The following COL21A1 variants were observed in gnomAD, a reference collection of about 807,000 sequenced individuals.
The protein encoded by COL21A1 is collagen alpha-1(XXI) chain.
Under a neutral mutation model 137.9 loss-of-function variants are expected in COL21A1, and 149 were observed. The observed-to-expected ratio is 1.08, with a 90% CI of 0.95 to 1.24. The LOEUF (loss-of-function observed/expected upper bound fraction) is 1.24, where lower values mean the gene tolerates loss of function less well. Ranked by LOEUF, COL21A1 falls within the 50% of genes most tolerant of loss-of-function variation. COL21A1 has a pLI of 0.00. For synonymous variants in COL21A1, 456 were observed against 391.5 expected (o/e 1.16, Z -1.95); for missense variants, 1,167 against 1,158.4 (o/e 1.01, Z -0.11).
At chr6:56,342,212 C>A (rs80288469) in intron 1 of COL21A1, among the ~76,000 whole-genome samples, 1 of 152,014 alleles carries the variant, frequency 6.6e-6, no homozygotes, top group South Asian at 2.1e-4. Context: ...GGGGAAAGGG[C>A]GGGTAAGTCA....
chr6:56,334,317 A>C (rs1434069803), intron 1 of COL21A1, among the ~76,000 whole-genome samples: 1 of 152,108 alleles, frequency 6.6e-6, no homozygotes, highest in Non-Finnish European at 1.5e-5. Context: ...GACCTGCTGA[A>C]TTTGAAACTC....
chr6:56,101,493 C>G lies in COL21A1; in HGVS notation c.1791G>C (p.Gln597His), dbSNP rs1380697382. The G allele has an allele frequency of 6.3e-7, 1 of 1,595,694 alleles. No individual in the cohort carries two copies. Among genetic ancestry groups the G allele is most frequent in the South Asian group, 1.1e-5 (1 of 87,616 alleles). ...GEAGSPGAPG[Q>H]DGTRGEPGIP... ...TCACAGGCTCTCCCCGTGTTCCATC[C>G]TGCCCCGGAGCACCAGGGGATCCTG... The change falls in exon 17 of 30, where the codon CAG becomes CAC. Residue 597 changes from glutamine to histidine, a missense_variant. Physicochemically the swap from Gln to His is conservative, Grantham distance 24. Transcript: ENST00000244728.
chr6:56,170,929 CA>C (rs755019590), intron 4 of COL21A1, 30 bp downstream of exon 4: 1 of 1,589,370 alleles, frequency 6.3e-7, no homozygotes, highest in South Asian at 1.2e-5. Context: ...CATATCCCCC[CA>C]AAAAAGTTGT....
chr6:56,150,547 C>CAT (rs1775232316), intron 10 of COL21A1, among the ~76,000 whole-genome samples: 1 of 151,394 alleles, frequency 6.6e-6, no homozygotes, highest in African/African-American at 2.4e-5. Flanking sequence ...CACACACACA[C>CAT]ACACACACAC....
At chr6:56,249,441 A>G (rs1219110061), upstream of COL21A1, among the ~76,000 whole-genome samples, 1 of 152,232 alleles carries the variant, frequency 6.6e-6, no homozygotes, top group Non-Finnish European at 1.5e-5. Context: ...TGTTACTCAT[A>G]AAGCCAAAGG....
intron 3 of COL21A1, among the ~76,000 whole-genome samples, chr6:56,173,072 AG>A (rs1451588793): frequency 6.6e-6 from 1 of 152,220 alleles, no homozygotes; most frequent in Non-Finnish European, 1.5e-5. Context: ...AATGTAAGTG[AG>A]TATACTCCTT....
chr6:56,142,821 C>G (rs1428752007), intron 10 of COL21A1, among the ~76,000 whole-genome samples: 1 of 152,158 alleles, frequency 6.6e-6, no homozygotes, highest in Non-Finnish European at 1.5e-5. Context: ...TTTCTTAGAT[C>G]TTACTGTTTG....
At chr6:56,128,166 G>A (rs891301324) in intron 12 of COL21A1, among the ~76,000 whole-genome samples, 1 of 152,130 alleles carries the variant, frequency 6.6e-6, no homozygotes, top group Non-Finnish European at 1.5e-5. Flanking sequence ...TGTGTTTTTT[G>A]TTTGCTTGTT....
intron 18 of COL21A1, among the ~76,000 whole-genome samples, chr6:56,075,830 A>T (rs575711717): frequency 2.0e-5 from 3 of 151,574 alleles, no homozygotes; most frequent in African/African-American, 7.2e-5. Context: ...CAGGTGAAAA[A>T]TTTTTCTATT....
chr6:56,061,726 G>A (rs974661899), intron 24 of COL21A1, 45 bp from the exon 25 acceptor site: 4 of 1,309,244 alleles, frequency 3.1e-6, no homozygotes, highest in Admixed American at 2.1e-5. Context: ...GCAAGCTACA[G>A]TACTGTAATG....
At chr6:56,332,388 C>A (rs1274894771) in intron 1 of COL21A1, among the ~76,000 whole-genome samples, 1 of 151,560 alleles carries the variant, frequency 6.6e-6, no homozygotes, top group Admixed American at 6.6e-5. Context: ...TAGAGGATCA[C>A]TAATGTGATA....
At chr6:56,295,586 T>G (rs956293814) in intron 1 of COL21A1, among the ~76,000 whole-genome samples, 3 of 151,584 alleles carry the variant, frequency 2.0e-5, no homozygotes, top group Non-Finnish European at 1.5e-5. Context: ...GAGTATCTTT[T>G]CATTTATTTA....
chr6:56,347,517 T>TAAAAAA (rs373385667), intron 1 of COL21A1, among the ~76,000 whole-genome samples: 5 of 127,154 alleles, frequency 3.9e-5, no homozygotes, highest in East Asian at 2.3e-4. Context: ...AGGAAGCATT[T>TAAAAAA]AAAAAAAAAA....
chr6:56,164,384 G>C (rs1204101470), intron 9 of COL21A1, 39 bp downstream of exon 9: 2 of 1,278,122 alleles, frequency 1.6e-6, no homozygotes, highest in Non-Finnish European at 2.2e-6. Flanking sequence ...GCTCTTGTTT[G>C]TGTGTTTTAA....
intron 10 of COL21A1, among the ~76,000 whole-genome samples, chr6:56,154,796 A>T (rs540064558): frequency 3.8e-4 from 58 of 152,298 alleles, no homozygotes; most frequent in South Asian, 1.0e-3. Flanking sequence ...AGCTGAAAAA[A>T]TGCTGCCCCA....
At chr6:56,356,243 T>C (rs1055345121) in intron 1 of COL21A1, among the ~76,000 whole-genome samples, 7 of 152,078 alleles carry the variant, frequency 4.6e-5, no homozygotes, top group Non-Finnish European at 1.0e-4. Context: ...AGATGCTATT[T>C]TGTAGGAGCT....
At chr6:56,122,228 CAG>C (rs1304949991) in intron 16 of COL21A1, among the ~76,000 whole-genome samples, 1 of 151,964 alleles carries the variant, frequency 6.6e-6, no homozygotes, top group African/African-American at 2.4e-5. Flanking sequence ...AGACAGAAAA[CAG>C]AGTAATAGTT....
At chr6:56,315,278 C>T (rs1334799612) in intron 1 of COL21A1, among the ~76,000 whole-genome samples, 1 of 152,142 alleles carries the variant, frequency 6.6e-6, no homozygotes, top group East Asian at 1.9e-4. Context: ...TACATGCCTG[C>T]CTTTTGATTG....
intron 1 of COL21A1, among the ~76,000 whole-genome samples, chr6:56,324,426 T>C (rs1459010491): frequency 6.6e-6 from 1 of 152,016 alleles, no homozygotes; most frequent in Non-Finnish European, 1.5e-5. Flanking sequence ...CTTTCTATGG[T>C]CCAGTGAGCA....
Sources: gnomAD v4.1 joint callset for allele counts (sites outside exome capture counted in the v4.1 genomes callset) on GRCh38, gnomAD v4.1.1 for gene constraint, MANE v1.5 for transcripts, NCBI Gene and HGNC (gene_info 2026-07-23, HGNC 2026-07-21) for gene names.